TBC1D9B: variants seen among roughly 807,000 people sequenced by gnomAD.
TBC1D9B encodes the protein TBC1 domain family member 9B.
A neutral mutation model predicts 121.1 loss-of-function variants in TBC1D9B; 87 were observed. That is an observed-to-expected ratio of 0.72 (90% CI 0.60 to 0.86). The LOEUF (loss-of-function observed/expected upper bound fraction) is 0.86, where lower values mean the gene tolerates loss of function less well. Among genes scored for constraint, TBC1D9B ranks in the 40% least tolerant of loss-of-function variants. The probability of loss-of-function intolerance (pLI) is 0.00; values close to 1 mark genes in which losing one functional copy is unlikely to be tolerated. For missense variants in TBC1D9B, 1,540 were observed against 1,628.6 expected (o/e 0.95, Z 0.94); for synonymous variants, 668 against 670.1 (o/e 1.00, Z 0.05).
At chr5:179,881,965 G>A (rs563379605) in intron 7 of TBC1D9B, among the ~76,000 whole-genome samples, 17 of 117,192 alleles carry the variant, frequency 1.5e-4, no homozygotes, top group South Asian at 1.1e-3. Flanking sequence ...TTTTTTTTGA[G>A]ATGGAGTCTT....
At chr5:179,899,162 G>C in intron 3 of TBC1D9B, 27 bp downstream of exon 3, 2 of 1,578,508 alleles carry the variant, frequency 1.3e-6, no homozygotes, top group Non-Finnish European at 1.7e-6. Context: ...GGAAGGGTGA[G>C]AACAGAGAGT....
chr5:179,906,004 C>A (rs181846817), intron 1 of TBC1D9B, among the ~76,000 whole-genome samples: 2 of 152,174 alleles, frequency 1.3e-5, no homozygotes, highest in Non-Finnish European at 2.9e-5. Context: ...CTCAGCCTCC[C>A]GAGTAGCTGG....
intron 20 of TBC1D9B, among the ~76,000 whole-genome samples, chr5:179,864,458 G>A (rs1759945871): frequency 6.6e-6 from 1 of 152,198 alleles, no homozygotes; most frequent in Non-Finnish European, 1.5e-5. Context: ...TCAGTACAAG[G>A]ACTTCGTTGT....
At chr5:179,896,690 T>G (rs570601129) in intron 3 of TBC1D9B, among the ~76,000 whole-genome samples, 3 of 151,728 alleles carry the variant, frequency 2.0e-5, no homozygotes, top group Non-Finnish European at 4.4e-5. Context: ...GCCCAGCTAA[T>G]TTTTTATATT....
Position 179,891,035 on chromosome 5 carries a change from C to T in TBC1D9B, c.1044+344G>A, listed in dbSNP as rs1424213734. Reference sequence around the variant, plus strand: ...CGGTGCAGGAACACGGTCCTCTAAGCGCAGCCACGGAGCAGCACTTTGCCC... The same window carrying T: ...CGGTGCAGGAACACGGTCCTCTAAGTGCAGCCACGGAGCAGCACTTTGCCC... On this transcript the variant is annotated intron_variant, in intron 6 of 20. Coordinates refer to ENST00000355235, the MANE Select transcript of TBC1D9B (RefSeq NM_015043.4). This position sits in a 1 kb window ranked among gnomAD's most constrained non-coding sequence, Gnocchi z 4.3. 4.6e-5 allele frequency among the ~76,000 whole-genome samples: 7 copies of T among 152,218 alleles called. No individual in the cohort carries two copies. Among genetic ancestry groups the T allele is most frequent in the African/African-American group, 1.2e-4 (5 of 41,460 alleles).
At chr5:179,882,661 T>C (rs1487749173) in intron 7 of TBC1D9B, among the ~76,000 whole-genome samples, 5 of 152,092 alleles carry the variant, frequency 3.3e-5, no homozygotes, top group African/African-American at 1.2e-4. Context: ...CTGGCCAACA[T>C]GGTGAAATCT....
rs773501229 is a variant in TBC1D9B at position 179,871,541 on chromosome 5, G to A, written c.2416-11C>T. On this transcript the variant is annotated splice_polypyrimidine_tract_variant and intron_variant, in intron 14 of 20. Transcript: ENST00000355235. ...AGGTATAGCTCGGACCTAGAAGGAA[G>A]GAGAAACAGGGTATATAGCTGGATC... The A allele has an allele frequency of 1.9e-6, 3 of 1,611,932 alleles. No homozygotes were observed. The highest frequency in any genetic ancestry group is 3.3e-5 in the Admixed American group (2 of 59,826).
intron 7 of TBC1D9B, among the ~76,000 whole-genome samples, chr5:179,882,288 C>T (rs1326338240): frequency 6.6e-6 from 1 of 152,172 alleles, no homozygotes; most frequent in Non-Finnish European, 1.5e-5. Flanking sequence ...ACTATGTCTC[C>T]ATCATCAGAG....
rs770282918 is a variant in TBC1D9B at position 179,891,443 on chromosome 5, T to C, written c.980A>G (p.Asn327Ser). 28 of 1,614,074 alleles carry C rather than the reference T, an allele frequency of 1.7e-5. No homozygotes were observed. In the East Asian group the frequency reaches 5.1e-4, roughly 30 times the overall value. The change falls in exon 6 of 21, where the codon AAC becomes AGC. Residue 327 changes from asparagine (N) to serine (S), a missense_variant. Transcript: ENST00000355235. The surrounding 1 kb of genome is among the most constrained non-coding windows in gnomAD (Gnocchi z 4.3). ...LHIPGQMFIS[N>S]NYICFASKEE... ...CTTGCTGGCGAAGCAGATGTAGTTGTTGGAGATGAACATCTGGCCAGGGAT... is the reference window on the plus strand; with the variant it reads ...CTTGCTGGCGAAGCAGATGTAGTTGCTGGAGATGAACATCTGGCCAGGGAT...
Position 179,904,159 on chromosome 5 carries a change from G to A in TBC1D9B, c.229+543C>T, listed in dbSNP as rs535157253. Among the ~76,000 whole-genome samples the A allele has an allele frequency of 1.8e-4, 27 of 151,860 alleles. No individual in the cohort carries two copies. The highest frequency in any genetic ancestry group is 3.5e-3 in the Middle Eastern group (1 of 288). Reference sequence around the variant, plus strand: ...CTAGCCCCACACCTGCGTCCCTAGAGGTACATGGGGATCCATGGGGCTGTC... The same window carrying A: ...CTAGCCCCACACCTGCGTCCCTAGAAGTACATGGGGATCCATGGGGCTGTC... On this transcript the variant is annotated intron_variant, in intron 2 of 20. Coordinates refer to ENST00000355235, the MANE Select transcript of TBC1D9B (RefSeq NM_015043.4). This position sits in a 1 kb window ranked among gnomAD's most constrained non-coding sequence, Gnocchi z 4.2.
rs946632142 is a variant in TBC1D9B at position 179,907,231 on chromosome 5, G to C, written c.118+473C>G. Among the ~76,000 whole-genome samples, 7 of 152,210 alleles carry C rather than the reference G, an allele frequency of 4.6e-5. No individual in the cohort carries two copies. The highest frequency in any genetic ancestry group is 1.4e-4 in the African/African-American group (6 of 41,464). The stretch of plus-strand genomic sequence containing the variant: ...CCAGGGACCTCTGATCTTGCTAAAA[G>C]GGCGATACTTTGGTGAGATGGGCAC... On this transcript the variant is annotated intron_variant, in intron 1 of 20. Transcript: ENST00000355235. This position sits in a 1 kb window ranked among gnomAD's most constrained non-coding sequence, Gnocchi z 5.3.
At chr5:179,882,107 G>A (rs1420844277) in intron 7 of TBC1D9B, among the ~76,000 whole-genome samples, 1 of 151,938 alleles carries the variant, frequency 6.6e-6, no homozygotes, top group Non-Finnish European at 1.5e-5. Context: ...ACCATGCCCG[G>A]CTAATTTTTG....
In TBC1D9B at chr5:179,870,139, C is replaced by G; in HGVS notation, c.2725+116G>C. 4.6e-6 allele frequency: 7 copies of G among 1,516,126 alleles called. No homozygotes were observed. The South Asian group carries it at 8.8e-5, about 19-fold the overall frequency. The allele number at this position is 1,516,126 out of a possible 1,614,324, so 93.9% of individuals were successfully genotyped here. A position where few individuals can be genotyped will look rare whatever the true frequency, so the allele number is the denominator to read the frequency against. On this transcript the variant is annotated intron_variant, in intron 16 of 20. Coordinates refer to ENST00000355235, the MANE Select transcript of TBC1D9B (RefSeq NM_015043.4). The stretch of plus-strand genomic sequence containing the variant: ...TTCTTCCCGTATCTAGGGCCAGGGG[C>G]TCAAGCTGCCCCCTACTTGCTGCAG...
Position 179,904,924 on chromosome 5 carries a change from G to A in TBC1D9B, c.119-112C>T. On this transcript the variant is annotated intron_variant, in intron 1 of 20. Transcript: ENST00000355235. This position sits in a 1 kb window ranked among gnomAD's most constrained non-coding sequence, Gnocchi z 4.2. ...ATGGTGACGCTACCCAAAGGGTCCA[G>A]CCCAACGAGGGAAACGTCCGGAATG... 1 of 783,002 alleles carries A rather than the reference G, an allele frequency of 1.3e-6. No homozygotes were observed. The highest frequency in any genetic ancestry group is 2.0e-6 in the Non-Finnish European group (1 of 504,198). The allele number at this position is 783,002 out of a possible 1,614,324, so 48.5% of individuals were successfully genotyped here.
At position 179,864,047 on chromosome 5, in the gene TBC1D9B, C is replaced by T. The variant is rs199637229; in HGVS notation, c.3103G>A (p.Ala1035Thr). ...CGGAGCAGGAGGCTGGCCACGGTGG[C>T]GATGGCGTGGTACAGGTCCTGCTCC... ...PMEQDLYHAI[A>T]TVASLLLRIG... Residue 1035 changes from alanine to threonine, a missense_variant, in exon 21 of 21, where the codon GCC becomes ACC. Ala to Thr is a moderately conservative substitution (Grantham distance 58, BLOSUM62 0). Coordinates refer to ENST00000355235, the MANE Select transcript of TBC1D9B (RefSeq NM_015043.4). The T allele has an allele frequency of 1.4e-5, 23 of 1,613,698 alleles. No homozygotes were observed. Among genetic ancestry groups the T allele is most frequent in the African/African-American group, 1.2e-4 (9 of 75,050 alleles).
chr5:179,865,155 C>T lies in TBC1D9B; in HGVS notation c.3021+99G>A, dbSNP rs1759970118. On this transcript the variant is annotated intron_variant, in intron 20 of 20. Coordinates refer to ENST00000355235, the MANE Select transcript of TBC1D9B (RefSeq NM_015043.4). The surrounding 1 kb of genome is among the most constrained non-coding windows in gnomAD (Gnocchi z 5.1). ...CTAGAGGCAGGGAGGAGCCTTCCCACCCACCAGGAGATGCTGCAGTGCAGG... is the reference window on the plus strand; with the variant it reads ...CTAGAGGCAGGGAGGAGCCTTCCCATCCACCAGGAGATGCTGCAGTGCAGG... 4 of 1,169,806 alleles carry T rather than the reference C, an allele frequency of 3.4e-6. No individual in the cohort carries two copies. The highest frequency in any genetic ancestry group is 3.8e-6 in the Non-Finnish European group (3 of 788,294). 72.5% of individuals were successfully genotyped at this position (1,169,806 alleles called of 1,614,324 possible).
rs1368358213 is a variant in TBC1D9B, at chr5:179,873,226, T to G, written c.2209A>C (p.Lys737Gln). The change falls in exon 13 of 21, where the codon AAG becomes CAG. Residue 737 changes from lysine (K) to glutamine (Q), a missense_variant. Coordinates refer to ENST00000355235, the MANE Select transcript of TBC1D9B (RefSeq NM_015043.4). ...LGRYLDNVVN[K>Q]QSVSPPIPHL... The stretch of plus-strand genomic sequence containing the variant: ...GGGATAGGAGGAGAGACACTCTGCT[T>G]GTTGACCACATTATCCAGGTATCTG... 2 of 1,611,722 alleles carry G rather than the reference T, an allele frequency of 1.2e-6. No individual in the cohort carries two copies. Among genetic ancestry groups the G allele is most frequent in the East Asian group, 4.5e-5 (2 of 44,868 alleles).
intron 15 of TBC1D9B, among the ~76,000 whole-genome samples, chr5:179,871,252 AGAG>A (rs1760188298): frequency 6.6e-6 from 1 of 152,202 alleles, no homozygotes; most frequent in South Asian, 2.1e-4. Context: ...CTGCCATTTA[AGAG>A]GTCCTGCCTA....
chr5:179,894,538 A>C lies in TBC1D9B; in HGVS notation c.425T>G (p.Leu142Arg). ...EDPGKFKEAE[L>R]KMRKQFGMPE... ...CATCCCAAACTGCTTCCGCATCTTC[A>C]GCTCAGCCTCCTTGAACTTCCCGGG... Residue 142 changes from leucine to arginine, a missense_variant, in exon 4 of 21, where the codon CTG (leucine) becomes CGG (arginine). Physicochemically the swap from Leu to Arg is moderately radical, Grantham distance 102. Coordinates refer to ENST00000355235, the MANE Select transcript of TBC1D9B (RefSeq NM_015043.4). 6.2e-7 allele frequency: 1 copy of C among 1,614,224 alleles called. No individual in the cohort carries two copies. Among genetic ancestry groups the C allele is most frequent in the Non-Finnish European group, 8.5e-7 (1 of 1,180,036 alleles).
Sources: allele counts gnomAD v4.1 joint callset (sites outside exome capture counted in the v4.1 genomes callset), GRCh38; gene constraint gnomAD v4.1.1; non-coding constraint Gnocchi (gnomAD v3.1); transcripts MANE v1.5; gene names NCBI Gene and HGNC (gene_info 2026-07-23, HGNC 2026-07-21).